RGS6: variants seen among roughly 807,000 people sequenced by gnomAD.
The protein encoded by RGS6 is regulator of G-protein signaling 6.
A neutral mutation model predicts 78.5 loss-of-function variants in RGS6; 30 were observed. The observed-to-expected ratio is 0.38, with a 90% CI of 0.29 to 0.52. The LOEUF is 0.52. RGS6 is among the 20% of genes least tolerant of loss of function. The pLI is 0.85. For missense variants in RGS6, 495 were observed against 609.7 expected, an observed-to-expected ratio of 0.81 and a Z score of 1.98; for synonymous variants, 206 against 206.0, an observed-to-expected ratio of 1.00 and a Z score of 0.00.
At chr14:72,117,430 C>G (rs1014771095) in intron 2 of RGS6, among the ~76,000 whole-genome samples, 1 of 151,710 alleles carries the variant, frequency 6.6e-6, no homozygotes, top group Non-Finnish European at 1.5e-5. Context: ...TGCATTGGCT[C>G]CCCCCCACCC....
chr14:72,556,894 T>A (rs2097585920), intron 17 of RGS6, among the ~76,000 whole-genome samples: 1 of 152,340 alleles, frequency 6.6e-6, no homozygotes, highest in South Asian at 2.1e-4. Flanking sequence ...TGTTTTATGT[T>A]TGTGATATAG....
the RGS6 span, among the ~76,000 whole-genome samples, chr14:71,902,825 A>T: frequency 6.6e-6 from 1 of 152,194 alleles, no homozygotes; most frequent in Non-Finnish European, 1.5e-5. Context: ...AATGAAACAT[A>T]AAAATGGGCA....
intron 2 of RGS6, among the ~76,000 whole-genome samples, chr14:72,248,982 A>G (rs974326539): frequency 2.0e-5 from 3 of 152,194 alleles, no homozygotes; most frequent in African/African-American, 7.2e-5. Context: ...GTTTATCCTG[A>G]TAAAACTTAT....
At chr14:72,575,623 G>A in the RGS6 span, among the ~76,000 whole-genome samples, 29 of 152,122 alleles carry the variant, frequency 1.9e-4, no homozygotes, top group Admixed American at 1.5e-3. Flanking sequence ...CATCAGTTCC[G>A]CAAATAACGT....
At chr14:72,430,778 A>G (rs756503333) in intron 3 of RGS6, among the ~76,000 whole-genome samples, 7 of 152,112 alleles carry the variant, frequency 4.6e-5, no homozygotes, top group Non-Finnish European at 8.8e-5. Context: ...CTTCAGGATC[A>G]TTTGTTTTAT....
intron 3 of RGS6, among the ~76,000 whole-genome samples, chr14:72,374,180 G>A (rs1347578774): frequency 6.6e-6 from 1 of 152,024 alleles, no homozygotes; most frequent in Non-Finnish European, 1.5e-5. Flanking sequence ...ATGTTGGTGT[G>A]CTGCACCCAT....
At chr14:71,886,006 C>CT in the RGS6 span, among the ~76,000 whole-genome samples, 2 of 151,384 alleles carry the variant, frequency 1.3e-5, no homozygotes, top group African/African-American at 4.9e-5. Flanking sequence ...ATTCCCTTCC[C>CT]TTTCCTTCTC....
intron 2 of RGS6, among the ~76,000 whole-genome samples, chr14:72,283,656 T>C (rs990872245): frequency 6.6e-6 from 1 of 152,188 alleles, no homozygotes; most frequent in African/African-American, 2.4e-5. Flanking sequence ...TCTTTTTCTT[T>C]ATAAATTACC....
intron 3 of RGS6, among the ~76,000 whole-genome samples, chr14:72,414,654 C>T (rs561880125): frequency 3.6e-4 from 55 of 152,252 alleles, no homozygotes; most frequent in African/African-American, 1.3e-3. Flanking sequence ...TTTAGAGTTT[C>T]CATTTTTTCT....
At position 72,455,123 on chromosome 14, in the gene RGS6, A is replaced by C. The variant is rs1304059656; in HGVS notation, c.235+545A>C. Among the ~76,000 whole-genome samples, 4 of 150,794 alleles carry C rather than the reference A, an allele frequency of 2.7e-5. No individual in the cohort carries two copies. In the Admixed American group the frequency reaches 2.7e-4, roughly 10 times the overall value. On this transcript the variant is annotated intron_variant, in intron 4 of 17. Coordinates refer to ENST00000553525, the MANE Select transcript of RGS6 (RefSeq NM_001204424.2). Reference sequence around the variant, plus strand: ...TTCTCCCACCAGAAAATAGGCAGTAAAATTTATTTTCACAGTGTAATTAGG... The same window carrying C: ...TTCTCCCACCAGAAAATAGGCAGTACAATTTATTTTCACAGTGTAATTAGG...
intron 3 of RGS6, among the ~76,000 whole-genome samples, chr14:72,431,066 A>G (rs2094609672): frequency 6.6e-6 from 1 of 152,226 alleles, no homozygotes; most frequent in African/African-American, 2.4e-5. Flanking sequence ...TCACACATGC[A>G]GCAAACATTT....
chr14:72,042,459 A>G (rs1269177096), intron 2 of RGS6, among the ~76,000 whole-genome samples: 1 of 152,050 alleles, frequency 6.6e-6, no homozygotes, highest in African/African-American at 2.4e-5. Flanking sequence ...GAACCTGATG[A>G]ATGCTTAGTA....
At chr14:71,925,712 C>CATATTATATTATATT in the RGS6 span, among the ~76,000 whole-genome samples, 146 of 96,288 alleles carry the variant, frequency 1.5e-3, no homozygotes, top group African/African-American at 7.2e-3. Flanking sequence ...TAGATGACTT[C>CATATTATATTATATT]ATATTATATT....
chr14:72,408,505 G>C (rs1034402747), intron 3 of RGS6, among the ~76,000 whole-genome samples: 1 of 152,146 alleles, frequency 6.6e-6, no homozygotes, highest in Non-Finnish European at 1.5e-5. Context: ...AGACACATCT[G>C]ACTGTCATTG....
At chr14:72,357,816 A>G (rs536518705) in intron 3 of RGS6, among the ~76,000 whole-genome samples, 1 of 152,344 alleles carries the variant, frequency 6.6e-6, no homozygotes, top group East Asian at 1.9e-4. Context: ...TGCATAAGTA[A>G]GGAGGAACCA....
chr14:71,971,510 T>G (rs2093803903), intron 2 of RGS6, among the ~76,000 whole-genome samples: 1 of 152,202 alleles, frequency 6.6e-6, no homozygotes. Context: ...GGACATCCTT[T>G]TCATCTACTC....
the RGS6 span, among the ~76,000 whole-genome samples, chr14:71,883,471 C>T: frequency 6.6e-6 from 1 of 152,212 alleles, no homozygotes; most frequent in Non-Finnish European, 1.5e-5. Flanking sequence ...AATTACCTGT[C>T]CTTAGACAAC....
chr14:72,598,795 G>A, the RGS6 span, among the ~76,000 whole-genome samples: 1 of 152,322 alleles, frequency 6.6e-6, no homozygotes, highest in East Asian at 1.9e-4. Context: ...CCCTTCTAGG[G>A]GGCTTTCTAT....
chr14:72,615,954 G>A, the RGS6 span, among the ~76,000 whole-genome samples: 6 of 152,232 alleles, frequency 3.9e-5, no homozygotes, highest in Admixed American at 2.0e-4. Context: ...GTACAGAGGG[G>A]TGAAGCCCAG....
Sources: allele counts gnomAD v4.1 joint callset (sites outside exome capture counted in the v4.1 genomes callset), GRCh38; gene constraint gnomAD v4.1.1; transcripts MANE v1.5; gene names NCBI Gene and HGNC (gene_info 2026-07-23, HGNC 2026-07-21).